Variants in EMG1 observed in about 807,000 individuals in gnomAD.
The protein encoded by EMG1 is ribosomal RNA small subunit methyltransferase NEP1.
EMG1 carries 24 observed loss-of-function variants against 26.9 expected under a neutral mutation model. The ratio of observed to expected loss-of-function variants is 0.89; its 90% CI spans 0.65 to 1.26. The LOEUF is 1.26. Ranked by LOEUF, EMG1 falls within the 50% of genes most tolerant of loss-of-function variation. The probability of loss-of-function intolerance (pLI) is 0.00; values close to 1 mark genes in which losing one functional copy is unlikely to be tolerated. For synonymous variants in EMG1, 140 were observed against 112.6 expected, an observed-to-expected ratio of 1.24 and a Z score of -1.54; for missense variants, 299 against 307.6, an observed-to-expected ratio of 0.97 and a Z score of 0.21.
downstream of EMG1, chr12:6,981,382 GCTGGCATTGATC>G (rs1946469696): frequency 3.0e-6 from 2 of 674,184 alleles, no homozygotes; most frequent in Middle Eastern, 3.6e-4. Context: ...CAAATGCCTT[GCTGGCATTGATC>G]TCTGGACTTT....
intron 7 of EMG1, among the ~76,000 whole-genome samples, chr12:6,997,010 GA>G (rs57621837): frequency 0.17 from 25,895 of 149,580 alleles, 3,735 homozygotes; most frequent in African/African-American, 0.4. Context: ...TGATAAATGG[GA>G]AAAAAAAAAT....
rs1356024395 is a variant in EMG1, at chr12:6,986,314, T to C, written c.*155-1468T>C. 3.3e-5 allele frequency among the ~76,000 whole-genome samples: 5 copies of C among 152,310 alleles called. No homozygotes were observed. In the East Asian group the frequency reaches 7.7e-4, roughly 23 times the overall value. On this transcript the variant is annotated intron_variant and NMD_transcript_variant, in intron 6 of 7. Coordinates refer to the EMG1 transcript ENST00000261406. ...TTTATGCTGATCCACTTCCACTGAATGAAGAGTAAACATATTTTTTCTTGC... is the reference window on the plus strand; with the variant it reads ...TTTATGCTGATCCACTTCCACTGAACGAAGAGTAAACATATTTTTTCTTGC...
chr12:6,988,558 T>A (rs1432501268), downstream of EMG1, among the ~76,000 whole-genome samples: 1 of 152,170 alleles, frequency 6.6e-6, no homozygotes, highest in Non-Finnish European at 1.5e-5. Context: ...TGGGAGCCAA[T>A]GCTTAATATG....
chr12:6,974,402 C>G lies in EMG1; in HGVS notation c.232C>G (p.Arg78Gly), dbSNP rs782179643. The G allele has an allele frequency of 6.2e-7, 1 of 1,613,694 alleles. No homozygotes were observed. Among genetic ancestry groups the G allele is most frequent in the Non-Finnish European group, 8.5e-7 (1 of 1,179,726 alleles). Residue 78 changes from arginine to glycine, a missense_variant, in exon 2 of 6, where the codon CGG (arginine) becomes GGG (glycine). Coordinates refer to ENST00000599672, the MANE Select transcript of EMG1 (RefSeq NM_006331.8). ...CAAGTCTATATTGTTGAAGAATGGA[C>G]GGGACCCTGGGGAAGCGCGGCCAGA... ...KHKSILLKNGRDPGEARPDIT... is the reference protein window; with the variant it reads ...KHKSILLKNGGDPGEARPDIT...
chr12:6,989,781 G>A (rs973476386), downstream of EMG1, among the ~76,000 whole-genome samples: 8 of 152,180 alleles, frequency 5.3e-5, no homozygotes, highest in African/African-American at 9.7e-5. Flanking sequence ...TAGCGGGAAC[G>A]TTTTCTTATT....
chr12:6,974,489 G>T, intron 2 of EMG1, 49 bp downstream of exon 2: 1 of 1,608,402 alleles, frequency 6.2e-7, no homozygotes, highest in African/African-American at 1.3e-5. Context: ...TGTATGGAAG[G>T]GTTGGCAGCT....
Position 6,979,280 on chromosome 12 carries a change from C to T in EMG1, c.*3471C>T, listed in dbSNP as rs1201630648. ...TGCACCTGGCACAGCCCTGTGCCCG[C>T]GAAGGTTGTTCAGTGCTGGCTGATG... is the stretch of plus-strand genomic sequence containing the variant. On this transcript the variant is annotated 3_prime_UTR_variant, in exon 6 of 6. Transcript: ENST00000599672. The T allele has an allele frequency of 2.2e-5, 13 of 597,558 alleles. No individual in the cohort carries two copies. Among genetic ancestry groups the T allele is most frequent in the South Asian group, 1.2e-4 (6 of 49,788 alleles). The allele number at this position is 597,558 out of a possible 1,614,324, so 37.0% of individuals were successfully genotyped here.
At chr12:6,974,784 G>A in intron 3 of EMG1, 91 bp downstream of exon 3, 2 of 1,362,146 alleles carry the variant, frequency 1.5e-6, no homozygotes, top group Non-Finnish European at 2.1e-6. Context: ...GGATTTTTAA[G>A]CGAGAAAATG....
rs1946439869 is a variant in EMG1 at position 6,978,981 on chromosome 12, G to A, written c.*3172G>A. 2.5e-6 allele frequency: 1 copy of A among 404,144 alleles called. No homozygotes were observed. Among genetic ancestry groups the A allele is most frequent in the Non-Finnish European group, 4.5e-6 (1 of 223,788 alleles). 25.0% of individuals were successfully genotyped at this position (404,144 alleles called of 1,614,324 possible). The stretch of plus-strand genomic sequence containing the variant: ...AGTGTTTGGAATGAGCATTTGGAAT[G>A]TTAAGTACAGAGGGGCCCATATTGG... On this transcript the variant is annotated 3_prime_UTR_variant, in exon 6 of 6. Coordinates refer to ENST00000599672, the MANE Select transcript of EMG1 (RefSeq NM_006331.8).
chr12:6,993,105 T>C (rs868937032), downstream of EMG1, among the ~76,000 whole-genome samples: 18 of 152,322 alleles, frequency 1.2e-4, no homozygotes, highest in African/African-American at 4.3e-4. Context: ...TACCATAAAA[T>C]TCACCCTTCA....
chr12:6,984,007 G>T (rs782796572), downstream of EMG1, among the ~76,000 whole-genome samples: 3 of 152,096 alleles, frequency 2.0e-5, no homozygotes, highest in Non-Finnish European at 4.4e-5. Context: ...AGATTTGAGC[G>T]TACCCATCTA....
intron 7 of EMG1, among the ~76,000 whole-genome samples, chr12:6,996,078 T>C (rs1946633610): frequency 6.6e-6 from 1 of 152,166 alleles, no homozygotes; most frequent in East Asian, 1.9e-4. Context: ...ATCAAAAGGC[T>C]GATTGCCAGC....
chr12:6,989,724 C>T (rs1286330770), downstream of EMG1, among the ~76,000 whole-genome samples: 1 of 152,144 alleles, frequency 6.6e-6, no homozygotes, highest in African/African-American at 2.4e-5. Context: ...CACTCAGTTC[C>T]AAGTGCTGTT....
chr12:6,974,821 C>T, intron 3 of EMG1, 128 bp downstream of exon 3: 1 of 1,023,748 alleles, frequency 9.8e-7, no homozygotes, highest in Non-Finnish European at 1.5e-6. Flanking sequence ...AATACCAGGA[C>T]AAGGACTGTT....
At chr12:6,986,907 A>G (rs1280104452) in intron 6 of EMG1, among the ~76,000 whole-genome samples, 2 of 151,420 alleles carry the variant, frequency 1.3e-5, no homozygotes, top group Non-Finnish European at 2.9e-5. Flanking sequence ...TGAGATCAGG[A>G]GTTTGAGACG....
At chr12:6,984,772 A>C (rs147054268), downstream of EMG1, among the ~76,000 whole-genome samples, 1,308 of 151,906 alleles carry the variant, frequency 8.6e-3, 14 homozygotes, top group African/African-American at 0.03. Context: ...TTTTGTGGAC[A>C]TGAGTTCTCA....
At chr12:6,989,114 C>T (rs1555155151), downstream of EMG1, among the ~76,000 whole-genome samples, 1 of 150,638 alleles carries the variant, frequency 6.6e-6, no homozygotes, top group East Asian at 1.9e-4. Context: ...AAGAGCGAAA[C>T]TCCATCTCAA....
In EMG1 at chr12:6,987,294, T is replaced by C. The variant is rs1197364765; in HGVS notation, c.*155-488T>C. On this transcript the variant is annotated intron_variant and NMD_transcript_variant, in intron 6 of 7. Transcript: ENST00000261406. The surrounding 1 kb of genome is among the most constrained non-coding windows in gnomAD (Gnocchi z 4.1). ...CCTGCTATATGCCAGGTATTCTGTT[T>C]ATGAAGCACGTAATTGGGTAGGAGG... Among the ~76,000 whole-genome samples, 6 of 152,202 alleles carry C rather than the reference T, an allele frequency of 3.9e-5. No homozygotes were observed. Among genetic ancestry groups the C allele is most frequent in the Admixed American group, 3.3e-4 (5 of 15,284 alleles).
At chr12:6,974,283 C>T (rs993188252) in intron 1 of EMG1, 56 bp from the exon 2 acceptor site, 28 of 1,323,216 alleles carry the variant, frequency 2.1e-5, no homozygotes, top group Middle Eastern at 2.1e-4. Flanking sequence ...TGAAGAACCA[C>T]GGGGCTAGGT....
Sources: allele counts gnomAD v4.1 joint callset (sites outside exome capture counted in the v4.1 genomes callset), GRCh38; gene constraint gnomAD v4.1.1; non-coding constraint Gnocchi (gnomAD v3.1); transcripts MANE v1.5; gene names NCBI Gene and HGNC (gene_info 2026-07-23, HGNC 2026-07-21).